Variants in SLC8A3 observed in about 807,000 individuals in gnomAD.
SLC8A3 encodes solute carrier family 8 member A3.
In SLC8A3, 37 loss-of-function variants were observed where a neutral mutation model predicts 65.4. That is an observed-to-expected ratio of 0.57 (90% CI 0.44 to 0.74). The LOEUF is 0.74. SLC8A3 is among the 30% of genes least tolerant of loss of function. The probability of loss-of-function intolerance (pLI) is 0.00; values close to 1 mark genes in which losing one functional copy is unlikely to be tolerated. For missense variants in SLC8A3, 1,112 were observed against 1,172.1 expected (o/e 0.95, Z 0.75); for synonymous variants, 461 against 444.5 (o/e 1.04, Z -0.47).
At chr14:70,180,072 C>T (rs114549725) in intron 1 of SLC8A3, among the ~76,000 whole-genome samples, 2,171 of 152,240 alleles carry the variant, frequency 0.014, 54 homozygotes, top group African/African-American at 0.049. Context: ...AGGCCGACAT[C>T]GTTCCTGCCC....
At chr14:70,135,854 T>C (rs1895164109) in intron 2 of SLC8A3, among the ~76,000 whole-genome samples, 1 of 152,130 alleles carries the variant, frequency 6.6e-6, no homozygotes, top group Non-Finnish European at 1.5e-5. Context: ...AGGGAAATTA[T>C]AGTAAACAAT....
chr14:70,143,189 G>A (rs776479586), intron 2 of SLC8A3, among the ~76,000 whole-genome samples: 1 of 152,176 alleles, frequency 6.6e-6, no homozygotes, highest in Non-Finnish European at 1.5e-5. Flanking sequence ...GCCTGTAGAT[G>A]CGTTAAGTTT....
At position 70,071,982 on chromosome 14, in the gene SLC8A3, G is replaced by A. The variant is rs1370322280; in HGVS notation, c.1785-11043C>T. 2.0e-5 allele frequency among the ~76,000 whole-genome samples: 3 copies of A among 152,266 alleles called. No individual in the cohort carries two copies. The South Asian group carries it at 6.2e-4, about 32-fold the overall frequency. ...TCCTTTGAGCCCTCTGCTGCATGCA[G>A]CTTCTACATACCTGTGACTAGCTGG... On this transcript the variant is annotated intron_variant, in intron 2 of 6. Coordinates refer to ENST00000356921, the MANE Select transcript of SLC8A3 (RefSeq NM_182932.3).
chr14:70,178,644 T>C (rs1882453118), intron 1 of SLC8A3, among the ~76,000 whole-genome samples: 1 of 152,224 alleles, frequency 6.6e-6, no homozygotes, highest in Non-Finnish European at 1.5e-5. Flanking sequence ...ATGCTGTTCA[T>C]TGATTCATGA....
intron 2 of SLC8A3, among the ~76,000 whole-genome samples, chr14:70,106,856 G>A (rs1892910843): frequency 6.6e-6 from 1 of 152,132 alleles, no homozygotes; most frequent in African/African-American, 2.4e-5. Context: ...GTATCCCAAT[G>A]CCAAACACAG....
At chr14:70,085,983 G>A (rs1285407718) in intron 2 of SLC8A3, among the ~76,000 whole-genome samples, 7 of 152,212 alleles carry the variant, frequency 4.6e-5, no homozygotes, top group African/African-American at 1.7e-4. Flanking sequence ...TAGCTCCATA[G>A]TGCATGTCCT....
intron 2 of SLC8A3, among the ~76,000 whole-genome samples, chr14:70,090,951 T>C (rs1332846545): frequency 6.6e-6 from 1 of 152,190 alleles, no homozygotes; most frequent in Non-Finnish European, 1.5e-5. Context: ...GGTTCAAAGA[T>C]CTTTGAAAAC....
At chr14:70,188,147 C>T (rs1883493263) in intron 1 of SLC8A3, among the ~76,000 whole-genome samples, 1 of 147,412 alleles carries the variant, frequency 6.8e-6, no homozygotes, top group Non-Finnish European at 1.5e-5. Flanking sequence ...GCCAGATCTG[C>T]CCCCCCAACA....
chr14:70,065,119 C>A (rs1366563855), intron 2 of SLC8A3, among the ~76,000 whole-genome samples: 1 of 152,114 alleles, frequency 6.6e-6, no homozygotes, highest in South Asian at 2.1e-4. Flanking sequence ...CACAGCCTGG[C>A]TTTGTTGGAG....
chr14:70,158,094 A>G (rs1193524814), intron 2 of SLC8A3, among the ~76,000 whole-genome samples: 3 of 152,240 alleles, frequency 2.0e-5, no homozygotes, highest in Non-Finnish European at 4.4e-5. Context: ...GAGGAATGAA[A>G]GGAAACCCAG....
chr14:70,106,422 T>G (rs1304676816), intron 2 of SLC8A3, among the ~76,000 whole-genome samples: 5 of 152,124 alleles, frequency 3.3e-5, no homozygotes, highest in Non-Finnish European at 7.4e-5. Context: ...ACAGAAATCT[T>G]AGTATTTAGA....
intron 2 of SLC8A3, among the ~76,000 whole-genome samples, chr14:70,090,687 T>C (rs768923679): frequency 4.6e-5 from 7 of 152,232 alleles, no homozygotes; most frequent in Non-Finnish European, 8.8e-5. Context: ...CTGATTCATA[T>C]AGAAGTATTA....
At chr14:70,105,237 G>A (rs1388348871) in intron 2 of SLC8A3, among the ~76,000 whole-genome samples, 1 of 152,140 alleles carries the variant, frequency 6.6e-6, no homozygotes, top group Non-Finnish European at 1.5e-5. Flanking sequence ...GCTGAGGCAG[G>A]AGAATGGCGT....
At chr14:70,126,568 T>TCACACA (rs762556721) in intron 2 of SLC8A3, among the ~76,000 whole-genome samples, 1 of 122,318 alleles carries the variant, frequency 8.2e-6, no homozygotes, top group African/African-American at 3.2e-5. Flanking sequence ...TCTCTCTCTC[T>TCACACA]CTCACACACA....
chr14:70,184,241 C>T (rs1359875002), intron 1 of SLC8A3, among the ~76,000 whole-genome samples: 1 of 152,092 alleles, frequency 6.6e-6, no homozygotes, highest in Non-Finnish European at 1.5e-5. Context: ...CTTTACCTTC[C>T]TCTCTCTCCC....
In SLC8A3 at chr14:70,116,865, A is replaced by G. The variant is rs889920760; in HGVS notation, c.1784+49774T>C. Among the ~76,000 whole-genome samples the G allele has an allele frequency of 3.3e-5, 5 of 152,368 alleles. No homozygotes were observed. The South Asian group carries it at 8.3e-4, about 25-fold the overall frequency. On this transcript the variant is annotated intron_variant, in intron 2 of 6. Coordinates refer to ENST00000356921, the MANE Select transcript of SLC8A3 (RefSeq NM_182932.3). ...GAATTTTTAGCAATGGTACTGCTAT[A>G]TCACAAGCATACCAATAGATAAATT...
rs898381647 is a variant in SLC8A3 at position 70,046,073 on chromosome 14, G to C, written c.2640C>G (p.His880Gln). The C allele has an allele frequency of 1.9e-6, 3 of 1,614,028 alleles. No individual in the cohort carries two copies. The highest frequency in any genetic ancestry group is 3.3e-5 in the Admixed American group (2 of 60,016). The change falls in exon 7 of 7, where the codon CAC becomes CAG. Residue 880 changes from histidine to glutamine, a missense_variant. His to Gln is a conservative substitution (Grantham distance 24). Coordinates refer to ENST00000356921, the MANE Select transcript of SLC8A3 (RefSeq NM_182932.3). The surrounding 1 kb of genome is among the most constrained non-coding windows in gnomAD (Gnocchi z 4.2). ...GGGGGCCACCAAGCTCCCCTCCCAG[G>C]TGCGGCCGCCTTCGGTACAAGAGCA... is the stretch of plus-strand genomic sequence containing the variant. ...ISVLLYRRRP[H>Q]LGGELGGPRG...
At chr14:70,065,609 A>G (rs1889336674) in intron 2 of SLC8A3, among the ~76,000 whole-genome samples, 1 of 152,092 alleles carries the variant, frequency 6.6e-6, no homozygotes, top group South Asian at 2.1e-4. Context: ...AAATAATAGC[A>G]CCTACTTTGT....
At position 70,167,583 on chromosome 14, in the gene SLC8A3, G is replaced by T. The variant is rs755066742; in HGVS notation, c.840C>A (p.Asp280Glu). 2 of 1,613,964 alleles carry T rather than the reference G, an allele frequency of 1.2e-6. No homozygotes were observed. The highest frequency in any genetic ancestry group is 1.7e-6 in the Non-Finnish European group (2 of 1,179,962). Residue 280 changes from aspartate (D) to glutamate (E), a missense_variant, in exon 2 of 7, where the codon GAC becomes GAA. Transcript: ENST00000356921. ...HRGIIIETEG[D>E]HPKGIEMDGK... ...CATCCATCTCAATGCCCTTAGGGTGGTCACCCTCTGTCTCTATGATAATTC... is the reference window on the plus strand; with the variant it reads ...CATCCATCTCAATGCCCTTAGGGTGTTCACCCTCTGTCTCTATGATAATTC...
Sources: allele counts gnomAD v4.1 joint callset (sites outside exome capture counted in the v4.1 genomes callset), GRCh38; gene constraint gnomAD v4.1.1; non-coding constraint Gnocchi (gnomAD v3.1); transcripts MANE v1.5; gene names NCBI Gene and HGNC (gene_info 2026-07-23, HGNC 2026-07-21).